Variants in ADCY2 observed in about 807,000 individuals in gnomAD.
ADCY2 encodes adenylate cyclase 2.
Under a neutral mutation model 125.2 loss-of-function variants are expected in ADCY2, and 31 were observed. That is an observed-to-expected ratio of 0.25 (90% confidence interval 0.19 to 0.33). ADCY2 has a LOEUF of 0.33. Among genes scored for constraint, ADCY2 ranks in the 10% least tolerant of loss-of-function variants. The pLI, the probability that ADCY2 is intolerant of heterozygous loss-of-function variation, is 1.00. For synonymous variants in ADCY2, 512 were observed against 548.4 expected, an observed-to-expected ratio of 0.93 and a Z score of 0.93; for missense variants, 904 against 1,418.2, an observed-to-expected ratio of 0.64 and a Z score of 5.82.
At chr5:7,677,418 T>C (rs971404069) in intron 4 of ADCY2, among the ~76,000 whole-genome samples, 4 of 152,182 alleles carry the variant, frequency 2.6e-5, no homozygotes, top group African/African-American at 7.2e-5. Flanking sequence ...CTCTCCACGA[T>C]TGAATCTGGG....
intron 14 of ADCY2, among the ~76,000 whole-genome samples, chr5:7,731,253 A>AT (rs34190695): frequency 0.033 from 4,570 of 136,684 alleles, 96 homozygotes; most frequent in African/African-American, 0.065. Flanking sequence ...TTCCTTGCAG[A>AT]TTTTTTTTTT....
intron 3 of ADCY2, among the ~76,000 whole-genome samples, chr5:7,587,883 CTCT>C (rs746298389): frequency 5.9e-5 from 9 of 152,158 alleles, no homozygotes; most frequent in Non-Finnish European, 8.8e-5. Flanking sequence ...CTGCTGATGT[CTCT>C]TCTTCTACTT....
intron 5 of ADCY2, among the ~76,000 whole-genome samples, chr5:7,694,946 A>G (rs1004561127): frequency 2.0e-5 from 3 of 152,236 alleles, no homozygotes; most frequent in Non-Finnish European, 4.4e-5. Flanking sequence ...TGTATGCTTT[A>G]TAAGAGCCAT....
intron 24 of ADCY2, among the ~76,000 whole-genome samples, chr5:7,822,992 C>A (rs1745350690): frequency 6.6e-6 from 1 of 152,200 alleles, no homozygotes; most frequent in African/African-American, 2.4e-5. Flanking sequence ...CAGACTGGCA[C>A]AGTCCTTTCC....
intron 22 of ADCY2, among the ~76,000 whole-genome samples, chr5:7,806,570 C>T (rs1284081272): frequency 6.6e-6 from 1 of 152,150 alleles, no homozygotes; most frequent in African/African-American, 2.4e-5. Flanking sequence ...CACACAGCAG[C>T]CTTCTCACTT....
chr5:7,589,498 G>GAAAGAAAGAAAGAA lies in ADCY2; in HGVS notation c.571-36666_571-36653dup, dbSNP rs1561112501. Among the ~76,000 whole-genome samples, 3 of 51,718 alleles carry GAAAGAAAGAAAGAA rather than the reference G, an allele frequency of 5.8e-5. 1 individual carries two copies. 33.9% of individuals were successfully genotyped at this position (51,718 alleles called of 152,430 possible). A position where few individuals can be genotyped will look rare whatever the true frequency, so the allele number is the denominator to read the frequency against. ...AGAAAGAAAGAAAGAAAGAAAGAAAGAAAGAAAGAAAGAAAAGAAAAGAAA... is the reference window on the plus strand; with the variant it reads ...AGAAAGAAAGAAAGAAAGAAAGAAAGAAAGAAAGAAAGAAAAAGAAAGAAAGAAAAGAAAAGAAA... On this transcript the variant is annotated intron_variant, in intron 3 of 24. Transcript: ENST00000338316.
At chr5:7,813,221 A>T (rs1245611470) in intron 22 of ADCY2, among the ~76,000 whole-genome samples, 1 of 152,180 alleles carries the variant, frequency 6.6e-6, no homozygotes, top group Non-Finnish European at 1.5e-5. Flanking sequence ...GATACAGGGG[A>T]ACTTGAACAC....
At chr5:7,755,379 T>C (rs1742960837) in intron 15 of ADCY2, among the ~76,000 whole-genome samples, 1 of 151,746 alleles carries the variant, frequency 6.6e-6, no homozygotes, top group African/African-American at 2.4e-5. Context: ...ACATTGTTCA[T>C]CTTTTCCTAT....
At chr5:7,814,138 G>A (rs956663233) in intron 22 of ADCY2, among the ~76,000 whole-genome samples, 29 of 152,166 alleles carry the variant, frequency 1.9e-4, no homozygotes, top group African/African-American at 7.0e-4. Context: ...CAATTTTGTA[G>A]TTACATGGTT....
chr5:7,619,544 A>G (rs1162204879), intron 3 of ADCY2, among the ~76,000 whole-genome samples: 2 of 152,230 alleles, frequency 1.3e-5, no homozygotes, highest in African/African-American at 2.4e-5. Flanking sequence ...AAGATATTCC[A>G]TCATAGAAAT....
chr5:7,815,172 T>G (rs939400962), intron 22 of ADCY2, among the ~76,000 whole-genome samples: 10 of 152,244 alleles, frequency 6.6e-5, no homozygotes, highest in African/African-American at 2.4e-4. Context: ...GTGATCCCAC[T>G]GCCAACCTAA....
intron 2 of ADCY2, among the ~76,000 whole-genome samples, chr5:7,467,604 G>T (rs1742172373): frequency 6.6e-6 from 1 of 152,132 alleles, no homozygotes; most frequent in Non-Finnish European, 1.5e-5. Context: ...CTGATAAATG[G>T]CTTTTGTGGA....
At chr5:7,559,650 A>G (rs145208007) in intron 3 of ADCY2, among the ~76,000 whole-genome samples, 255 of 152,260 alleles carry the variant, frequency 1.7e-3, no homozygotes, top group African/African-American at 5.8e-3. Context: ...CCCTCTTCCT[A>G]TTTGGATGCC....
intron 7 of ADCY2, among the ~76,000 whole-genome samples, chr5:7,705,413 C>A (rs1472052288): frequency 6.6e-6 from 1 of 152,220 alleles, no homozygotes; most frequent in Non-Finnish European, 1.5e-5. Flanking sequence ...CTAGACCAGC[C>A]TAGAGGGGAG....
At chr5:7,556,694 C>A (rs755871789) in intron 3 of ADCY2, among the ~76,000 whole-genome samples, 19 of 152,168 alleles carry the variant, frequency 1.2e-4, no homozygotes, top group Non-Finnish European at 2.6e-4. Flanking sequence ...GGGCAGCAGG[C>A]GAGCTCGCTT....
intron 2 of ADCY2, among the ~76,000 whole-genome samples, chr5:7,493,565 G>A (rs1030979782): frequency 7.9e-5 from 12 of 152,312 alleles, no homozygotes; most frequent in Non-Finnish European, 1.5e-5. Context: ...TGTCTACAAT[G>A]TGGGGTTAGA....
chr5:7,714,386 A>G (rs1741533184), intron 11 of ADCY2, among the ~76,000 whole-genome samples: 1 of 152,222 alleles, frequency 6.6e-6, no homozygotes, highest in African/African-American at 2.4e-5. Context: ...CCCCAGTATT[A>G]CGTGGGGCAG....
At chr5:7,438,422 A>G (rs564649183) in intron 2 of ADCY2, among the ~76,000 whole-genome samples, 12 of 152,296 alleles carry the variant, frequency 7.9e-5, no homozygotes, top group Non-Finnish European at 1.5e-4. Context: ...GAAGATGGAG[A>G]GTATTGTGGG....
At chr5:7,430,296 A>G (rs960288109) in intron 2 of ADCY2, among the ~76,000 whole-genome samples, 1 of 152,038 alleles carries the variant, frequency 6.6e-6, no homozygotes, top group African/African-American at 2.4e-5. Context: ...AGTAATCTCA[A>G]TTCTACAGAA....
Sources: gnomAD v4.1 joint callset for allele counts (sites outside exome capture counted in the v4.1 genomes callset) on GRCh38, gnomAD v4.1.1 for gene constraint, MANE v1.5 for transcripts, NCBI Gene and HGNC (gene_info 2026-07-23, HGNC 2026-07-21) for gene names.